ZSCAN25: variants seen among roughly 807,000 people sequenced by gnomAD.
The protein encoded by ZSCAN25 is zinc finger and SCAN domain-containing protein 25.
ZSCAN25 carries 27 observed loss-of-function variants against 38.7 expected under a neutral mutation model. That is an observed-to-expected ratio of 0.70 (90% CI 0.51 to 0.96). ZSCAN25 has a LOEUF of 0.96. Among genes scored for constraint, ZSCAN25 ranks in the 40% least tolerant of loss-of-function variants. ZSCAN25 has a pLI of 0.00. For synonymous variants in ZSCAN25, 273 were observed against 277.7 expected, an observed-to-expected ratio of 0.98 and a Z score of 0.17; for missense variants, 637 against 705.9, an observed-to-expected ratio of 0.90 and a Z score of 1.11.
At chr7:99,655,323 T>C in the ZSCAN25 span, among the ~76,000 whole-genome samples, 1 of 152,216 alleles carries the variant, frequency 6.6e-6, no homozygotes, top group African/African-American at 2.4e-5. Flanking sequence ...CAGCACCATT[T>C]ATTAAATAGG....
rs369511764 is a variant in ZSCAN25, at chr7:99,619,574, G to A, written c.-33G>A. ...TGTTCTCAAAAGGGTCATTGATGCA[G>A]TCATTCTCAGTCTCCTCGGAGGGAG... On this transcript the variant is annotated 5_prime_UTR_variant, in exon 4 of 8. Transcript: ENST00000394152. 1.1e-5 allele frequency: 18 copies of A among 1,578,574 alleles called. No homozygotes were observed. In the African/African-American group the frequency reaches 1.6e-4, roughly 14 times the overall value.
chr7:99,715,595 G>C, the ZSCAN25 span: 1 of 1,236,966 alleles, frequency 8.1e-7, no homozygotes, highest in Non-Finnish European at 1.1e-6. Flanking sequence ...AATGACAGAA[G>C]TGTTTTAAAG....
At chr7:99,710,888 C>T in the ZSCAN25 span, 1 of 1,613,674 alleles carries the variant, frequency 6.2e-7, no homozygotes, top group Non-Finnish European at 8.5e-7. Flanking sequence ...CCAGATCAGA[C>T]AGAGCTGAAA....
the ZSCAN25 span, among the ~76,000 whole-genome samples, chr7:99,733,477 C>T: frequency 6.6e-6 from 1 of 152,086 alleles, no homozygotes; most frequent in African/African-American, 2.4e-5. Flanking sequence ...ATTGTATAGG[C>T]CTAAGAAGGG....
the ZSCAN25 span, among the ~76,000 whole-genome samples, chr7:99,734,632 T>C: frequency 1.3e-5 from 2 of 151,442 alleles, no homozygotes; most frequent in Non-Finnish European, 2.9e-5. Context: ...TTCTCTTTTT[T>C]TTTTTTTGAG....
At chr7:99,679,305 C>T in the ZSCAN25 span, among the ~76,000 whole-genome samples, 17 of 151,928 alleles carry the variant, frequency 1.1e-4, no homozygotes, top group East Asian at 1.5e-3. Flanking sequence ...TCCCCTGGTG[C>T]GTTATGTAAA....
the ZSCAN25 span, among the ~76,000 whole-genome samples, chr7:99,653,450 C>CAAATAAATAAATAAATAAAT: frequency 2.7e-4 from 39 of 145,492 alleles, no homozygotes; most frequent in African/African-American, 8.4e-4. The surrounding 1 kb of genome is among the most constrained non-coding windows in gnomAD (Gnocchi z 4.2). Context: ...GACCCTGTCT[C>CAAATAAATAAATAAATAAAT]AAATAAATAA....
chr7:99,624,961 T>C (rs373898423), intron 7 of ZSCAN25, among the ~76,000 whole-genome samples: 56 of 152,298 alleles, frequency 3.7e-4, no homozygotes, highest in African/African-American at 1.2e-3. Flanking sequence ...ATTTTCTTCT[T>C]TTTTGTTTCA....
intron 4 of ZSCAN25, 196 bp downstream of exon 4, chr7:99,620,189 T>C: frequency 5.3e-6 from 4 of 759,504 alleles, no homozygotes; most frequent in Non-Finnish European, 8.2e-6. Context: ...GATGCTGCCA[T>C]GCAGAAGGGC....
At chr7:99,699,773 G>A in the ZSCAN25 span, among the ~76,000 whole-genome samples, 3 of 152,142 alleles carry the variant, frequency 2.0e-5, no homozygotes, top group African/African-American at 7.2e-5. Flanking sequence ...GAAGGTGGCT[G>A]GGACAAATGC....
chr7:99,639,336 G>C, the ZSCAN25 span, among the ~76,000 whole-genome samples: 1 of 152,194 alleles, frequency 6.6e-6, no homozygotes, highest in Non-Finnish European at 1.5e-5. Context: ...AGAAAACAAA[G>C]GAGTTTTACT....
chr7:99,639,900 C>G, the ZSCAN25 span, among the ~76,000 whole-genome samples: 1 of 152,018 alleles, frequency 6.6e-6, no homozygotes, highest in Non-Finnish European at 1.5e-5. Context: ...ACCCCCATCT[C>G]TACAAAAAGT....
the ZSCAN25 span, among the ~76,000 whole-genome samples, chr7:99,639,102 C>A: frequency 1.3e-5 from 2 of 152,204 alleles, no homozygotes; most frequent in East Asian, 3.8e-4. Context: ...TAGCACCTGC[C>A]GGCTGTAACA....
the ZSCAN25 span, chr7:99,672,908 A>G: frequency 2.2e-6 from 3 of 1,346,608 alleles, no homozygotes; most frequent in Non-Finnish European, 2.9e-6. Context: ...CCAAACAGGG[A>G]AGAGATATTG....
chr7:99,685,851 A>G, the ZSCAN25 span, among the ~76,000 whole-genome samples: 1 of 152,234 alleles, frequency 6.6e-6, no homozygotes, highest in Non-Finnish European at 1.5e-5. Flanking sequence ...TTGGTGGCCC[A>G]GGGACTCCCA....
At chr7:99,633,878 T>C (rs1357146322), downstream of ZSCAN25, among the ~76,000 whole-genome samples, 1 of 152,236 alleles carries the variant, frequency 6.6e-6, no homozygotes, top group Non-Finnish European at 1.5e-5. Context: ...CATTGACAGC[T>C]TCTTTGCTTT....
the ZSCAN25 span, chr7:99,662,876 G>A: frequency 1.8e-5 from 29 of 1,613,842 alleles, no homozygotes; most frequent in East Asian, 5.3e-4. This position sits in a 1 kb window ranked among gnomAD's most constrained non-coding sequence, Gnocchi z 4.3. Flanking sequence ...AGGAAATCTA[G>A]TCGGTGCTAG....
chr7:99,716,396 C>T, the ZSCAN25 span, among the ~76,000 whole-genome samples: 1 of 152,330 alleles, frequency 6.6e-6, no homozygotes, highest in East Asian at 1.9e-4. Context: ...GAAATATCAT[C>T]CTTATTCTCT....
At chr7:99,720,256 T>C in the ZSCAN25 span, 3 of 1,596,004 alleles carry the variant, frequency 1.9e-6, no homozygotes, top group East Asian at 4.6e-5. Context: ...ATAAGAATTT[T>C]AAAATAAAAA....
Sources: gnomAD v4.1 joint callset for allele counts (sites outside exome capture counted in the v4.1 genomes callset) on GRCh38, gnomAD v4.1.1 for gene constraint, Gnocchi (gnomAD v3.1) non-coding constraint, MANE v1.5 for transcripts, NCBI Gene and HGNC (gene_info 2026-07-23, HGNC 2026-07-21) for gene names.